TMEM165: variants seen among roughly 807,000 people sequenced by gnomAD.
TMEM165 encodes putative divalent cation/proton antiporter TMEM165.
In TMEM165, 19 loss-of-function variants were observed where a neutral mutation model predicts 30.0. That is an observed-to-expected ratio of 0.63 (90% CI 0.44 to 0.93). TMEM165 has a LOEUF of 0.93. Among genes scored for constraint, TMEM165 ranks in the 40% least tolerant of loss-of-function variants. The pLI is 0.00. For synonymous variants in TMEM165, 168 were observed against 162.9 expected (o/e 1.03, Z -0.24); for missense variants, 340 against 417.0 (o/e 0.82, Z 1.61).
At chr4:55,400,013 C>CTTTTT (rs766230688) in intron 1 of TMEM165, among the ~76,000 whole-genome samples, 1 of 129,762 alleles carries the variant, frequency 7.7e-6, no homozygotes, top group Admixed American at 8.0e-5. Context: ...TCTTTTCTTC[C>CTTTTT]TTTTTTTTTT....
At chr4:55,441,299 T>TA (rs1469218621) in intron 3 of TMEM165, among the ~76,000 whole-genome samples, 4 of 152,208 alleles carry the variant, frequency 2.6e-5, no homozygotes, top group Admixed American at 1.3e-4. Flanking sequence ...TGAAAACACT[T>TA]ACACACTGCT....
intron 2 of TMEM165, 103 bp from the exon 3 acceptor site, chr4:55,416,969 C>A: frequency 1.0e-6 from 1 of 996,284 alleles, no homozygotes; most frequent in Non-Finnish European, 1.5e-6. Flanking sequence ...CTAATGTGAA[C>A]CATTTTTCTT....
intron 3 of TMEM165, among the ~76,000 whole-genome samples, chr4:55,436,005 G>A (rs1031495378): frequency 6.6e-6 from 1 of 152,184 alleles, no homozygotes; most frequent in African/African-American, 2.4e-5. Context: ...CAGCTGGTTA[G>A]AGCGGCACAG....
In TMEM165 at chr4:55,402,682, G is replaced by A. The variant is rs183732833; in HGVS notation, c.207+6286G>A. ...AGGCTGGTCTCAAGCTCCCAACCTC[G>A]AGTGATCCACCTACCACGCCTCCCA... On this transcript the variant is annotated intron_variant, in intron 1 of 5. Transcript: ENST00000381334. 4.4e-4 allele frequency among the ~76,000 whole-genome samples: 64 copies of A among 145,432 alleles called. 4 individuals carry two copies. The highest frequency in any genetic ancestry group is 1.6e-3 in the African/African-American group (61 of 37,216).
chr4:55,440,244 AT>A (rs1723247337), intron 3 of TMEM165, among the ~76,000 whole-genome samples: 1 of 152,224 alleles, frequency 6.6e-6, no homozygotes, highest in African/African-American at 2.4e-5. Context: ...CTAACAGTGA[AT>A]AAAAACTCCT....
At chr4:55,444,946 T>C (rs1723681788) in intron 3 of TMEM165, among the ~76,000 whole-genome samples, 1 of 152,186 alleles carries the variant, frequency 6.6e-6, no homozygotes, top group Admixed American at 6.5e-5. Flanking sequence ...TTGCTCTGCT[T>C]TGTAATATTG....
intron 2 of TMEM165, among the ~76,000 whole-genome samples, chr4:55,414,723 C>T (rs1026744040): frequency 1.3e-5 from 2 of 152,130 alleles, no homozygotes; most frequent in Non-Finnish European, 2.9e-5. Flanking sequence ...TATCCATAGC[C>T]TTTTTTTAAA....
chr4:55,444,198 A>G (rs1223157078), intron 3 of TMEM165, among the ~76,000 whole-genome samples: 1 of 152,186 alleles, frequency 6.6e-6, no homozygotes, highest in African/African-American at 2.4e-5. Context: ...TTTCACTCCA[A>G]GTTTCCCTTT....
downstream of TMEM165, among the ~76,000 whole-genome samples, chr4:55,427,197 C>CTAAT (rs1722249000): frequency 6.6e-6 from 1 of 151,770 alleles, no homozygotes; most frequent in Admixed American, 6.6e-5. Flanking sequence ...CCACGCCTGG[C>CTAAT]TAATTTTTTG....
chr4:55,419,878 A>G (rs571932071), intron 4 of TMEM165, among the ~76,000 whole-genome samples: 23 of 151,164 alleles, frequency 1.5e-4, no homozygotes, highest in South Asian at 1.5e-3. Context: ...TATTTTGGGG[A>G]AAAAAAATGG....
chr4:55,438,350 G>A, intron 3 of TMEM165: 3 of 1,614,044 alleles, frequency 1.9e-6, no homozygotes, highest in Non-Finnish European at 2.5e-6. Context: ...GTGAGCTGCT[G>A]CTCCTGGGAG....
intron 1 of TMEM165, among the ~76,000 whole-genome samples, chr4:55,400,144 C>T (rs1295629846): frequency 7.7e-6 from 1 of 129,662 alleles, no homozygotes; most frequent in Non-Finnish European, 1.6e-5. Context: ...CATGCCTGGC[C>T]TTGTCTTGTT....
At chr4:55,436,162 T>TACC (rs1432654373) in intron 3 of TMEM165, among the ~76,000 whole-genome samples, 1 of 152,180 alleles carries the variant, frequency 6.6e-6, no homozygotes, top group Non-Finnish European at 1.5e-5. Flanking sequence ...TAACAGTGCC[T>TACC]ACCACATTGG....
intron 3 of TMEM165, chr4:55,438,544 G>C (rs752001265): frequency 6.2e-7 from 1 of 1,612,898 alleles, no homozygotes; most frequent in Non-Finnish European, 8.5e-7. Flanking sequence ...AAATCTGTTA[G>C]AAGAAAGAAG....
In TMEM165 at chr4:55,396,230, C is replaced by A; in HGVS notation, c.41C>A (p.Pro14His). The change falls in exon 1 of 6, where the codon CCC becomes CAC. Residue 14 changes from proline to histidine, a missense_variant. By Grantham distance (77) the Pro-to-His change is moderately conservative. Transcript: ENST00000381334. The part of the protein sequence containing the change: ...AAPGNGRASA[P>H]RLLLLFLVPL... ...CCAGGGAACGGCCGCGCATCGGCGC[C>A]CCGGCTGCTTCTGCTCTTTCTGGTT... 1 of 1,473,156 alleles carries A rather than the reference C, an allele frequency of 6.8e-7. No individual in the cohort carries two copies. Among genetic ancestry groups the A allele is most frequent in the Non-Finnish European group, 9.0e-7 (1 of 1,117,226 alleles). 91.3% of individuals were successfully genotyped at this position (1,473,156 alleles called of 1,614,324 possible).
chr4:55,409,399 GTTTC>G (rs1488418130), intron 1 of TMEM165, among the ~76,000 whole-genome samples: 1 of 152,082 alleles, frequency 6.6e-6, no homozygotes, highest in Non-Finnish European at 1.5e-5. Context: ...ATGTTCTTGG[GTTTC>G]TTTTTCTTTA....
chr4:55,439,804 G>T (rs1365388879), intron 3 of TMEM165, among the ~76,000 whole-genome samples: 1 of 152,104 alleles, frequency 6.6e-6, no homozygotes, highest in African/African-American at 2.4e-5. Flanking sequence ...ACTTAGACTA[G>T]TCCAATTTAC....
chr4:55,408,819 C>T (rs1721374600), intron 1 of TMEM165, among the ~76,000 whole-genome samples: 1 of 151,838 alleles, frequency 6.6e-6, no homozygotes, highest in Admixed American at 6.6e-5. Flanking sequence ...ATATTTATTC[C>T]TAAAATTTTT....
intron 3 of TMEM165, among the ~76,000 whole-genome samples, chr4:55,449,167 C>T (rs924810823): frequency 1.3e-5 from 1 of 78,582 alleles, no homozygotes; most frequent in Non-Finnish European, 2.5e-5. Flanking sequence ...GAGCTTTCCA[C>T]AATTAAAAAA....
Sources: gnomAD v4.1 joint callset for allele counts (sites outside exome capture counted in the v4.1 genomes callset) on GRCh38, gnomAD v4.1.1 for gene constraint, MANE v1.5 for transcripts, NCBI Gene and HGNC (gene_info 2026-07-23, HGNC 2026-07-21) for gene names.